The following ZNF106 variants were observed in gnomAD, a reference collection of about 807,000 sequenced individuals.
The protein encoded by ZNF106 is zinc finger protein 106.
In ZNF106, 67 loss-of-function variants were observed where a neutral mutation model predicts 195.1. The ratio of observed to expected loss-of-function variants is 0.34; its 90% CI spans 0.28 to 0.42. The LOEUF (loss-of-function observed/expected upper bound fraction) is 0.42. ZNF106 is among the 10% of genes least tolerant of loss of function. The pLI is 1.00. For synonymous variants in ZNF106, 784 were observed against 818.6 expected, an observed-to-expected ratio of 0.96 and a Z score of 0.72; for missense variants, 2,118 against 2,304.5, an observed-to-expected ratio of 0.92 and a Z score of 1.66.
intron 1 of ZNF106, among the ~76,000 whole-genome samples, chr15:42,477,913 C>CA (rs1462204949): frequency 6.6e-6 from 1 of 150,736 alleles, no homozygotes; most frequent in African/African-American, 2.4e-5. Context: ...AAAAAACAAA[C>CA]AAAAAAAACT....
rs2055943838 is a variant in ZNF106 at position 42,450,217 on chromosome 15, T to G, written c.2055A>C (p.Pro685=). 2 of 1,614,066 alleles carry G rather than the reference T, an allele frequency of 1.2e-6. No homozygotes were observed. The highest frequency in any genetic ancestry group is 2.2e-5 in the East Asian group (1 of 44,902). Reference sequence around the variant, plus strand: ...TCAAGTCTAGCAATAAGCCAGGGTGTGGACTGGCTGCAGATGTCATTTGTA... The same window carrying G: ...TCAAGTCTAGCAATAAGCCAGGGTGGGGACTGGCTGCAGATGTCATTTGTA... ...SELQMTSAAS[P]HPGLLLDLKT... Residue 685 remains proline, a synonymous_variant, in exon 5 of 22, where the codon CCA becomes CCC. Coordinates refer to ENST00000564754, the MANE Select transcript of ZNF106 (RefSeq NM_001366845.3).
chr15:42,417,808 TTTGGATCCTTTCC>T lies in ZNF106; in HGVS notation c.5648_5660del (p.Arg1883AsnfsTer33). ...ACCTCAAGTCCCACTAATGTACCTG[TTTGGATCCTTTCC>T]TAGCAGTGAAAAAAGCATCGCAGTT... On this transcript the variant is annotated frameshift_variant, in exon 21 of 22. Coordinates refer to ENST00000564754, the MANE Select transcript of ZNF106 (RefSeq NM_001366845.3). LOFTEE classifies it high-confidence loss of function. 6.2e-7 allele frequency: 1 copy of T among 1,613,392 alleles called. No individual in the cohort carries two copies. Among genetic ancestry groups the T allele is most frequent in the Non-Finnish European group, 8.5e-7 (1 of 1,179,634 alleles).
At position 42,451,114 on chromosome 15, in the gene ZNF106, T is replaced by A; in HGVS notation, c.1158A>T (p.Gly386=). ...ACTTGTTACCAGTGATGTCTTTCAA[T>A]CCCGACTGTAAATCCAGAGTCTTCT... ...PSQKTLDLQS[G]LKDITGNKSE... The change falls in exon 5 of 22, where the codon GGA becomes GGT. Residue 386 remains glycine (G), a synonymous_variant. Transcript: ENST00000564754. The A allele has an allele frequency of 1.2e-6, 2 of 1,614,194 alleles. No homozygotes were observed.
chr15:42,421,854 T>C, intron 19 of ZNF106, 63 bp downstream of exon 19: 1 of 1,389,492 alleles, frequency 7.2e-7, no homozygotes, highest in Non-Finnish European at 9.8e-7. Context: ...CTTTTGGAAG[T>C]GACAAGAATT....
chr15:42,452,023 A>C (rs1293558406), intron 4 of ZNF106, 69 bp from the exon 5 acceptor site: 5 of 1,503,532 alleles, frequency 3.3e-6, no homozygotes, highest in Non-Finnish European at 4.4e-6. Context: ...GGCATAACCC[A>C]CCAAACTTCC....
intron 16 of ZNF106, chr15:42,424,344 C>T: frequency 2.8e-6 from 1 of 359,900 alleles, no homozygotes; most frequent in South Asian, 6.7e-5. Context: ...ACAAAATACA[C>T]TCATTGTTTC....
chr15:42,464,350 A>G (rs1403151410), intron 3 of ZNF106, among the ~76,000 whole-genome samples: 1 of 151,706 alleles, frequency 6.6e-6, no homozygotes, highest in Non-Finnish European at 1.5e-5. Context: ...AAAAAAAAAA[A>G]AACAAAAAAC....
rs1262089173 is a variant in ZNF106, at chr15:42,448,370, G to C, written c.2837C>G (p.Thr946Arg). 1 of 1,614,166 alleles carries C rather than the reference G, an allele frequency of 6.2e-7. No homozygotes were observed. Among genetic ancestry groups the C allele is most frequent in the Non-Finnish European group, 8.5e-7 (1 of 1,180,042 alleles). The change falls in exon 6 of 22, where the codon ACA becomes AGA. Residue 946 changes from threonine to arginine, a missense_variant. Thr to Arg is a moderately conservative substitution (Grantham distance 71, BLOSUM62 -1). Coordinates refer to ENST00000564754, the MANE Select transcript of ZNF106 (RefSeq NM_001366845.3). Reference sequence around the variant, plus strand: ...AGCAACATTTTCAGCCCTTTCACCTGTTCGGAGGGAGGCAGCCCGAGGTGT... The same window carrying C: ...AGCAACATTTTCAGCCCTTTCACCTCTTCGGAGGGAGGCAGCCCGAGGTGT... ...EVTPRAASLR[T>R]GERAENVATQ...
chr15:42,477,225 C>T (rs969834927), intron 1 of ZNF106, among the ~76,000 whole-genome samples: 2 of 151,966 alleles, frequency 1.3e-5, no homozygotes, highest in African/African-American at 2.4e-5. Context: ...TTATTTTGTT[C>T]TTCATTTACT....
intron 2 of ZNF106, among the ~76,000 whole-genome samples, chr15:42,469,163 C>T (rs1183822194): frequency 6.6e-6 from 1 of 151,924 alleles, no homozygotes; most frequent in Admixed American, 6.6e-5. Context: ...CCAGCCTGGG[C>T]GACAAGAGCA....
chr15:42,422,511 T>C lies in ZNF106; in HGVS notation c.5363A>G (p.Tyr1788Cys). The change falls in exon 18 of 22, where the codon TAT becomes TGT. Residue 1788 changes from tyrosine (Y) to cysteine (C), a missense_variant. Transcript: ENST00000564754. ...GAATCTAAATTCTACCTGTAATTCA[T>C]AGACACGAACAAATTTATCCAGGCA... ...TACLDKFVRV[Y>C]ELQSHDRLQV... 2 of 1,613,022 alleles carry C rather than the reference T, an allele frequency of 1.2e-6. No homozygotes were observed. Among genetic ancestry groups the C allele is most frequent in the Middle Eastern group, 1.7e-4 (1 of 6,034 alleles).
In ZNF106 at chr15:42,439,385, C is replaced by T. The variant is rs1440421890; in HGVS notation, c.4192G>A (p.Asp1398Asn). Residue 1398 changes from aspartate to asparagine, a missense_variant, in exon 11 of 22, where the codon GAT (aspartate) becomes AAT (asparagine). Coordinates refer to ENST00000564754, the MANE Select transcript of ZNF106 (RefSeq NM_001366845.3). ...CTTACAGGTTTAACAGTCAAAACAT[C>T]CTGTTCAGTGTCACTATTCTCAGGA... is the stretch of plus-strand genomic sequence containing the variant. ...HVPENSDTEQ[D>N]VLTVKPVRKV... The T allele has an allele frequency of 5.0e-6, 8 of 1,614,010 alleles. No homozygotes were observed. The highest frequency in any genetic ancestry group is 6.8e-6 in the Non-Finnish European group (8 of 1,180,046).
intron 12 of ZNF106, among the ~76,000 whole-genome samples, chr15:42,437,891 C>G (rs116192959): frequency 7.0e-6 from 1 of 142,420 alleles, no homozygotes. Context: ...TGGGCGACAA[C>G]GACTCCGTCT....
chr15:42,417,851 C>T lies in ZNF106; in HGVS notation c.5618G>A (p.Trp1873Ter), dbSNP rs2054512844. The T allele has an allele frequency of 1.9e-6, 3 of 1,613,942 alleles. No individual in the cohort carries two copies. Among genetic ancestry groups the T allele is most frequent in the Non-Finnish European group, 2.5e-6 (3 of 1,179,932 alleles). ...NPNFQTLKCR[W>*]KNCDAFFTAR... ...AGTGAAAAAAGCATCGCAGTTCTTC[C>T]AGCGACATTTCAGAGTCTGGAAGTT... Residue 1873 changes from tryptophan (W) to a stop codon, truncating the protein, a stop_gained, in exon 21 of 22, where the codon TGG becomes TAG. Transcript: ENST00000564754. LOFTEE classifies it high-confidence loss of function.
intron 1 of ZNF106, among the ~76,000 whole-genome samples, chr15:42,477,393 A>G (rs1393773183): frequency 1.3e-5 from 2 of 152,128 alleles, no homozygotes; most frequent in African/African-American, 4.8e-5. Flanking sequence ...ATTGTTTTAG[A>G]TTTATAGAAA....
chr15:42,424,711 C>T (rs2054790548), intron 16 of ZNF106, 123 bp downstream of exon 16: 1 of 984,462 alleles, frequency 1.0e-6, no homozygotes, highest in Non-Finnish European at 1.5e-6. Context: ...AACTTCTGAG[C>T]TCAAGCGATC....
In ZNF106 at chr15:42,417,161, C is replaced by T; in HGVS notation, c.*143G>A. 2 of 776,156 alleles carry T rather than the reference C, an allele frequency of 2.6e-6. No individual in the cohort carries two copies. The highest frequency in any genetic ancestry group is 4.2e-6 in the Non-Finnish European group (2 of 475,614). The allele number at this position is 776,156 out of a possible 1,614,324, so 48.1% of individuals were successfully genotyped here. On this transcript the variant is annotated 3_prime_UTR_variant, in exon 22 of 22. Transcript: ENST00000564754. The stretch of plus-strand genomic sequence containing the variant: ...TAATTTATCATCCCATAGAGCTGCC[C>T]AGACTTATGCTAGGGGTATGCCTGG...
chr15:42,434,789 C>G (rs140821288), intron 14 of ZNF106, among the ~76,000 whole-genome samples: 1,667 of 134,930 alleles, frequency 0.012, 93 homozygotes, highest in Admixed American at 0.1. Context: ...TTTTTTTTTC[C>G]TGAGACGGAG....
At position 42,464,112 on chromosome 15, in the gene ZNF106, C is replaced by T. The variant is rs149658025; in HGVS notation, c.116+1941G>A. On this transcript the variant is annotated intron_variant, in intron 3 of 21. Transcript: ENST00000564754. Reference sequence around the variant, plus strand: ...ATCCCAGCACTTTGGGAGGCCGAGGCGGGCAGATCACAAGGTCAGGAGTTC... The same window carrying T: ...ATCCCAGCACTTTGGGAGGCCGAGGTGGGCAGATCACAAGGTCAGGAGTTC... 7.9e-3 allele frequency among the ~76,000 whole-genome samples: 1,174 copies of T among 147,742 alleles called. 13 individuals are homozygous for T. Among genetic ancestry groups the T allele is most frequent in the African/African-American group, 0.027 (1,122 of 41,268 alleles).
Sources: gnomAD v4.1 joint callset for allele counts (sites outside exome capture counted in the v4.1 genomes callset) on GRCh38, gnomAD v4.1.1 for gene constraint, MANE v1.5 for transcripts, NCBI Gene and HGNC (gene_info 2026-07-23, HGNC 2026-07-21) for gene names.